The following ZNF423 variants were observed in gnomAD, a reference collection of about 807,000 sequenced individuals.
ZNF423 encodes the protein Ebf-associated zinc finger protein.
Under a neutral mutation model 95.8 loss-of-function variants are expected in ZNF423, and 12 were observed. That is an observed-to-expected ratio of 0.13 (90% CI 0.08 to 0.20). The LOEUF (loss-of-function observed/expected upper bound fraction) is 0.20. ZNF423 is among the 10% of genes least tolerant of loss of function. ZNF423 has a pLI of 1.00. For synonymous variants in ZNF423, 749 were observed against 711.9 expected (o/e 1.05, Z -0.83); for missense variants, 1,316 against 1,737.1 (o/e 0.76, Z 4.31).
At chr16:49,848,787 T>A (rs1051839620) in intron 1 of ZNF423, among the ~76,000 whole-genome samples, 2 of 152,168 alleles carry the variant, frequency 1.3e-5, no homozygotes, top group Non-Finnish European at 2.9e-5. Context: ...ACAATTAGTG[T>A]CTCGGACGGA....
At chr16:49,661,655 G>A (rs1342535684) in intron 3 of ZNF423, among the ~76,000 whole-genome samples, 3 of 152,210 alleles carry the variant, frequency 2.0e-5, no homozygotes, top group African/African-American at 4.8e-5. Context: ...ATCAGCCAGC[G>A]ACTGCACTGT....
In ZNF423 at chr16:49,492,458, TCGCC is replaced by T. The variant is rs1476865093; in HGVS notation, c.3850-1158_3850-1155del. ...GGGCGACCAGGTGATGCCAGTAGCCTCGCCCGGAGGCCGAGGCCGGGGCCGGGGC... is the reference window on the plus strand; with the variant it reads ...GGGCGACCAGGTGATGCCAGTAGCCTCGGAGGCCGAGGCCGGGGCCGGGGC... On this transcript the variant is annotated intron_variant, in intron 7 of 7. Transcript: ENST00000563137. This position sits in a 1 kb window ranked among gnomAD's most constrained non-coding sequence, Gnocchi z 4.2. 6.6e-6 allele frequency among the ~76,000 whole-genome samples: 1 copy of T among 151,640 alleles called. No individual in the cohort carries two copies.
intron 5 of ZNF423, among the ~76,000 whole-genome samples, chr16:49,535,088 C>T (rs1969008883): frequency 6.6e-6 from 1 of 152,208 alleles, no homozygotes; most frequent in African/African-American, 2.4e-5. Context: ...CCCCCCAACC[C>T]CTTGGCCCTT....
At chr16:49,630,189 C>T (rs1972450965) in intron 4 of ZNF423, among the ~76,000 whole-genome samples, 1 of 152,190 alleles carries the variant, frequency 6.6e-6, no homozygotes, top group South Asian at 2.1e-4. Flanking sequence ...TTGCCACAGA[C>T]AAAGGAAGAC....
At chr16:49,664,465 G>A (rs1056388930) in intron 3 of ZNF423, among the ~76,000 whole-genome samples, 5 of 152,226 alleles carry the variant, frequency 3.3e-5, no homozygotes, top group African/African-American at 1.2e-4. Context: ...AGGCCCCGGG[G>A]GCGACCGAGG....
chr16:49,677,297 A>AAGGGAAGG (rs1567284051), intron 3 of ZNF423, among the ~76,000 whole-genome samples: 6 of 78,330 alleles, frequency 7.7e-5, no homozygotes, highest in South Asian at 7.1e-4. Context: ...AGAAGAGAAG[A>AAGGGAAGG]GAAGAGAAGA....
intron 2 of ZNF423, among the ~76,000 whole-genome samples, chr16:49,763,957 C>T (rs2143658737): frequency 6.6e-6 from 1 of 152,328 alleles, no homozygotes; most frequent in South Asian, 2.1e-4. Flanking sequence ...GCTACCTCTC[C>T]TCTGACGGAC....
chr16:49,549,024 G>A (rs112167496), intron 5 of ZNF423, among the ~76,000 whole-genome samples: 349 of 152,182 alleles, frequency 2.3e-3, no homozygotes, highest in African/African-American at 8.2e-3. Context: ...TAAGTGGGAT[G>A]AGTGGTGAAA....
intron 7 of ZNF423, among the ~76,000 whole-genome samples, chr16:49,496,257 T>G (rs1027658668): frequency 1.3e-5 from 2 of 152,222 alleles, no homozygotes; most frequent in Admixed American, 1.3e-4. Context: ...AACACAGCCC[T>G]CTTCCTAAGA....
chr16:49,782,793 G>A (rs998514280), intron 2 of ZNF423, among the ~76,000 whole-genome samples: 22 of 152,130 alleles, frequency 1.4e-4, no homozygotes, highest in African/African-American at 5.3e-4. Flanking sequence ...AGATTCCAAT[G>A]AGACTCTGAC....
At chr16:49,680,910 A>G (rs961752343) in intron 3 of ZNF423, among the ~76,000 whole-genome samples, 5 of 152,090 alleles carry the variant, frequency 3.3e-5, no homozygotes, top group Non-Finnish European at 7.4e-5. Context: ...TGGCTGGTGA[A>G]GCAACACCCC....
intron 7 of ZNF423, among the ~76,000 whole-genome samples, chr16:49,509,123 G>A (rs1296402088): frequency 1.3e-5 from 2 of 152,126 alleles, no homozygotes; most frequent in Non-Finnish European, 2.9e-5. Context: ...AGAAATTGAG[G>A]CTCAGAAAAG....
chr16:49,857,421 G>A (rs992114626), upstream of ZNF423, among the ~76,000 whole-genome samples: 3 of 151,920 alleles, frequency 2.0e-5, no homozygotes, highest in Admixed American at 6.6e-5. The surrounding 1 kb of genome is among the most constrained non-coding windows in gnomAD (Gnocchi z 6.2). Flanking sequence ...CACACTTAGG[G>A]CCCACGCGGC....
At chr16:49,682,086 T>G (rs569321913) in intron 3 of ZNF423, among the ~76,000 whole-genome samples, 27 of 150,032 alleles carry the variant, frequency 1.8e-4, no homozygotes, top group African/African-American at 6.2e-4. Context: ...CTCCTGTTCC[T>G]CCTCCCCTTC....
intron 5 of ZNF423, among the ~76,000 whole-genome samples, chr16:49,568,042 C>A (rs1273761774): frequency 1.3e-5 from 2 of 152,188 alleles, no homozygotes; most frequent in African/African-American, 4.8e-5. Flanking sequence ...GTGATTCAGG[C>A]CTGGCCAATT....
At chr16:49,515,934 G>C (rs903368182) in intron 7 of ZNF423, among the ~76,000 whole-genome samples, 1 of 152,174 alleles carries the variant, frequency 6.6e-6, no homozygotes, top group Non-Finnish European at 1.5e-5. Context: ...GCATGGGGCC[G>C]ATAGGGCCCC....
At chr16:49,515,574 G>T (rs769274156) in intron 7 of ZNF423, among the ~76,000 whole-genome samples, 1 of 152,208 alleles carries the variant, frequency 6.6e-6, no homozygotes, top group Non-Finnish European at 1.5e-5. Context: ...AGAGTACCTT[G>T]TTCATAGGGC....
At chr16:49,632,446 C>T (rs1321093592) in intron 4 of ZNF423, among the ~76,000 whole-genome samples, 1 of 152,156 alleles carries the variant, frequency 6.6e-6, no homozygotes, top group Admixed American at 6.5e-5. Flanking sequence ...AGAATGCCGC[C>T]TTGCCTGGGG....
At chr16:49,809,500 T>C (rs1429376868) in intron 1 of ZNF423, among the ~76,000 whole-genome samples, 3 of 152,156 alleles carry the variant, frequency 2.0e-5, no homozygotes, top group Non-Finnish European at 2.9e-5. Context: ...GCAGCCTGTG[T>C]GTAGTGGAAC....
Sources: allele counts gnomAD v4.1 joint callset (sites outside exome capture counted in the v4.1 genomes callset), GRCh38; gene constraint gnomAD v4.1.1; non-coding constraint Gnocchi (gnomAD v3.1); transcripts MANE v1.5; gene names NCBI Gene and HGNC (gene_info 2026-07-23, HGNC 2026-07-21).